The following MYO1G variants were observed in gnomAD, a reference collection of about 807,000 sequenced individuals.
The protein encoded by MYO1G is unconventional myosin-Ig.
A neutral mutation model predicts 115.3 loss-of-function variants in MYO1G; 65 were observed. The ratio of observed to expected loss-of-function variants is 0.56; its 90% CI spans 0.46 to 0.69. The LOEUF (loss-of-function observed/expected upper bound fraction) is 0.69. MYO1G is among the 30% of genes least tolerant of loss of function. The pLI is 0.00. For synonymous variants in MYO1G, 510 were observed against 552.6 expected (o/e 0.92, Z 1.08); for missense variants, 1,204 against 1,393.5 (o/e 0.86, Z 2.16).
chr7:44,968,187 G>A (rs973036538), intron 12 of MYO1G, among the ~76,000 whole-genome samples: 2 of 152,108 alleles, frequency 1.3e-5, no homozygotes, highest in African/African-American at 4.8e-5. Flanking sequence ...AAGATGAATC[G>A]AGTGGTTAAG....
intron 1 of MYO1G, among the ~76,000 whole-genome samples, chr7:44,978,590 C>A (rs1583799518): frequency 6.6e-6 from 1 of 152,204 alleles, no homozygotes; most frequent in South Asian, 2.1e-4. Context: ...GCAGAAGATG[C>A]CTGGACTGTG....
intron 5 of MYO1G, 167 bp downstream of exon 5, chr7:44,975,007 A>C: frequency 2.8e-6 from 2 of 720,180 alleles, no homozygotes; most frequent in Non-Finnish European, 2.5e-6. Context: ...GGTGTGGGGT[A>C]CTGGTTGGGG....
chr7:44,971,545 A>G, intron 7 of MYO1G, 128 bp downstream of exon 7: 1 of 673,290 alleles, frequency 1.5e-6, no homozygotes. Context: ...CAGCTTCTGC[A>G]GGAGAGGCAG....
At chr7:44,977,396 G>A (rs1263274288) in intron 1 of MYO1G, among the ~76,000 whole-genome samples, 1 of 152,220 alleles carries the variant, frequency 6.6e-6, no homozygotes, top group Non-Finnish European at 1.5e-5. Context: ...ACTGGGTGCC[G>A]TGAGTCAGGG....
chr7:44,967,229 A>G (rs1250357197), intron 14 of MYO1G, among the ~76,000 whole-genome samples: 1 of 152,230 alleles, frequency 6.6e-6, no homozygotes, highest in Non-Finnish European at 1.5e-5. Flanking sequence ...AAGCTCCCCA[A>G]GAAAGCTTGT....
chr7:44,974,099 A>T (rs2128702698), intron 5 of MYO1G: 1 of 150,926 alleles, frequency 6.6e-6, no homozygotes, highest in South Asian at 2.1e-4. Context: ...ACCTCAGTGG[A>T]GTTCAGAGTC....
At chr7:44,967,251 G>A (rs1794863596) in intron 14 of MYO1G, among the ~76,000 whole-genome samples, 3 of 152,216 alleles carry the variant, frequency 2.0e-5, no homozygotes, top group Non-Finnish European at 4.4e-5. Flanking sequence ...CCAGTTTCCT[G>A]TCTCTCTGGC....
At position 44,965,779 on chromosome 7, in the gene MYO1G, T is replaced by C; in HGVS notation, c.2239A>G (p.Lys747Glu). ...YTIMRWFRRH[K>E]VRAHLAELQR... Reference sequence around the variant, plus strand: ...AGCTCAGCCAGGTGAGCCCGCACCTTGTGTCTCCGGAACCAGCGCATGATG... The same window carrying C: ...AGCTCAGCCAGGTGAGCCCGCACCTCGTGTCTCCGGAACCAGCGCATGATG... The change falls in exon 17 of 22, where the codon AAG becomes GAG. Residue 747 changes from lysine (K) to glutamate (E), a missense_variant. Physicochemically the swap from Lys to Glu is moderately conservative, Grantham distance 56. Transcript: ENST00000258787. 1 of 1,606,802 alleles carries C rather than the reference T, an allele frequency of 6.2e-7. No individual in the cohort carries two copies. Among genetic ancestry groups the C allele is most frequent in the Non-Finnish European group, 8.5e-7 (1 of 1,179,950 alleles).
chr7:44,968,787 G>A (rs1326284539), intron 12 of MYO1G: 1 of 152,990 alleles, frequency 6.5e-6, no homozygotes, highest in African/African-American at 2.4e-5. Context: ...TTACAGGCAT[G>A]AGCGACCTCA....
At chr7:44,975,706 G>A (rs1795037560) in intron 3 of MYO1G, 57 bp from the exon 4 acceptor site, 2 of 1,491,412 alleles carry the variant, frequency 1.3e-6, no homozygotes, top group Non-Finnish European at 9.0e-7. Flanking sequence ...GGGGAATGCT[G>A]TCTCTGCCCC....
intron 14 of MYO1G, among the ~76,000 whole-genome samples, chr7:44,967,328 G>A (rs1794864834): frequency 6.6e-6 from 1 of 152,184 alleles, no homozygotes; most frequent in Non-Finnish European, 1.5e-5. Context: ...CCTCTCAGCA[G>A]GGTCTCCCCA....
intron 14 of MYO1G, among the ~76,000 whole-genome samples, chr7:44,967,368 CGAG>C (rs904686318): frequency 3.3e-5 from 5 of 152,164 alleles, no homozygotes; most frequent in African/African-American, 1.2e-4. Flanking sequence ...GACAATGGGG[CGAG>C]GAGAAGCCTG....
rs767541462 is a variant in MYO1G at position 44,966,140 on chromosome 7, C to T, written c.2090G>A (p.Arg697Gln). The part of the protein sequence containing the change: ...GHSKLFIRSP[R>Q]TLVTLEQSRA... Reference sequence around the variant, plus strand: ...GCTCTGCTCCAGTGTGACCAGTGTCCGGGGTGAGCGGATGAACAGCTTGCT... The same window carrying T: ...GCTCTGCTCCAGTGTGACCAGTGTCTGGGGTGAGCGGATGAACAGCTTGCT... The change falls in exon 16 of 22, where the codon CGG becomes CAG. Residue 697 changes from arginine (R) to glutamine (Q), a missense_variant. Transcript: ENST00000258787. This position sits in a 1 kb window ranked among gnomAD's most constrained non-coding sequence, Gnocchi z 5.0. The T allele has an allele frequency of 1.2e-5, 19 of 1,613,050 alleles. No individual in the cohort carries two copies. Among genetic ancestry groups the T allele is most frequent in the East Asian group, 4.5e-5 (2 of 44,846 alleles).
Position 44,975,542 on chromosome 7 carries a change from T to G in MYO1G, c.506A>C (p.Asn169Thr). The G allele has an allele frequency of 6.2e-7, 1 of 1,614,008 alleles. No homozygotes were observed. Among genetic ancestry groups the G allele is most frequent in the Non-Finnish European group, 8.5e-7 (1 of 1,179,930 alleles). The change falls in exon 4 of 22, where the codon AAC (asparagine) becomes ACC (threonine). Residue 169 changes from asparagine to threonine, a missense_variant. Coordinates refer to ENST00000258787, the MANE Select transcript of MYO1G (RefSeq NM_033054.3). ...SSRFGKYMDI[N>T]FDFKGDPIGG... Reference sequence around the variant, plus strand: ...GATCGGGTCCCCCTTGAAGTCAAAGTTGATGTCCATGTACTTGCCAAAGCG... The same window carrying G: ...GATCGGGTCCCCCTTGAAGTCAAAGGTGATGTCCATGTACTTGCCAAAGCG...
In MYO1G at chr7:44,969,323, C is replaced by T. The variant is rs151069777; in HGVS notation, c.1574+90G>A. On this transcript the variant is annotated intron_variant, in intron 12 of 21. Transcript: ENST00000258787. The surrounding 1 kb of genome is among the most constrained non-coding windows in gnomAD (Gnocchi z 5.0). ...CAGAAGTGGCCATAACACCTGTCTC[C>T]GAGCCACTCCCCTGAAGCGCTCCTG... 1,793 of 1,337,048 alleles carry T rather than the reference C, an allele frequency of 1.3e-3. 20 individuals are homozygous for T. In the African/African-American group the frequency reaches 0.023, roughly 17 times the overall value. 82.8% of individuals were successfully genotyped at this position (1,337,048 alleles called of 1,614,324 possible). A position where few individuals can be genotyped will look rare whatever the true frequency, so the allele number is the denominator to read the frequency against.
Position 44,966,381 on chromosome 7 carries a change from T to C in MYO1G, c.1950-101A>G. ...CTGGGGAGATGGCAGGGATACAGAG[T>C]GTGTTCCTGGAGCACTTATGACACC... is the stretch of plus-strand genomic sequence containing the variant. On this transcript the variant is annotated intron_variant, in intron 15 of 21. Transcript: ENST00000258787. The surrounding 1 kb of genome is among the most constrained non-coding windows in gnomAD (Gnocchi z 5.0). 1 of 1,111,934 alleles carries C rather than the reference T, an allele frequency of 9.0e-7. No homozygotes were observed. Among genetic ancestry groups the C allele is most frequent in the Middle Eastern group, 2.0e-4 (1 of 5,126 alleles). 68.9% of individuals were successfully genotyped at this position (1,111,934 alleles called of 1,614,324 possible).
chr7:44,972,479 T>A, intron 5 of MYO1G: 1 of 470,336 alleles, frequency 2.1e-6, no homozygotes, highest in Non-Finnish European at 3.9e-6. Context: ...CCAGACCTCA[T>A]CTTGGTAGGG....
chr7:44,969,982 T>A lies in MYO1G; in HGVS notation c.1332+58A>T. ...TCAGGCCAGCCCGGGCCCCTCCCCA[T>A]GGGCTGAGGCCCCTCCACACCCCAC... is the stretch of plus-strand genomic sequence containing the variant. On this transcript the variant is annotated intron_variant, in intron 10 of 21. Coordinates refer to ENST00000258787, the MANE Select transcript of MYO1G (RefSeq NM_033054.3). The surrounding 1 kb of genome is among the most constrained non-coding windows in gnomAD (Gnocchi z 5.0). 6.3e-7 allele frequency: 1 copy of A among 1,595,700 alleles called. No homozygotes were observed. The highest frequency in any genetic ancestry group is 2.2e-5 in the East Asian group (1 of 44,634).
At position 44,962,971 on chromosome 7, in the gene MYO1G, C is replaced by T. The variant is rs754892218; in HGVS notation, c.2899G>A (p.Gly967Arg). The T allele has an allele frequency of 2.0e-6, 3 of 1,532,598 alleles. No homozygotes were observed. The highest frequency in any genetic ancestry group is 2.6e-6 in the Non-Finnish European group (3 of 1,143,790). 94.9% of individuals were successfully genotyped at this position (1,532,598 alleles called of 1,614,324 possible). Reference sequence around the variant, plus strand: ...CGCTACCGCCCAGCCTGCACTCACCCCTGGCAGTGTGCGGCCAGCACGCCC... The same window carrying T: ...CGCTACCGCCCAGCCTGCACTCACCTCTGGCAGTGTGCGGCCAGCACGCCC... ...LVGVLAAHCQGEGRTLEVRVS... is the reference protein window; with the variant it reads ...LVGVLAAHCQREGRTLEVRVS... Residue 967 changes from glycine (G) to arginine (R), a missense_variant and splice_region_variant, in exon 21 of 22, where the codon GGG becomes AGG. By Grantham distance (125) the Gly-to-Arg change is moderately radical. Transcript: ENST00000258787. This position sits in a 1 kb window ranked among gnomAD's most constrained non-coding sequence, Gnocchi z 5.3.
Sources: allele counts gnomAD v4.1 joint callset (sites outside exome capture counted in the v4.1 genomes callset), GRCh38; gene constraint gnomAD v4.1.1; non-coding constraint Gnocchi (gnomAD v3.1); transcripts MANE v1.5; gene names NCBI Gene and HGNC (gene_info 2026-07-23, HGNC 2026-07-21).